SYT9: variants seen among roughly 807,000 people sequenced by gnomAD.
The protein encoded by SYT9 is synaptotagmin-9.
Under a neutral mutation model 48.4 loss-of-function variants are expected in SYT9, and 22 were observed. The ratio of observed to expected loss-of-function variants is 0.45; its 90% confidence interval spans 0.32 to 0.65. The LOEUF (loss-of-function observed/expected upper bound fraction) is 0.65. Among genes scored for constraint, SYT9 ranks in the 30% least tolerant of loss-of-function variants. SYT9 has a pLI of 0.03. For missense variants in SYT9, 577 were observed against 622.0 expected (o/e 0.93, Z 0.77); for synonymous variants, 265 against 245.0 (o/e 1.08, Z -0.76).
At chr11:7,362,424 C>T (rs1297313902) in intron 3 of SYT9, among the ~76,000 whole-genome samples, 16 of 152,104 alleles carry the variant, frequency 1.1e-4, no homozygotes, top group Non-Finnish European at 1.5e-5. Flanking sequence ...CCTGAACCAC[C>T]GTGACCAGCC....
chr11:7,333,750 G>T (rs931058701), intron 3 of SYT9, among the ~76,000 whole-genome samples: 1 of 152,146 alleles, frequency 6.6e-6, no homozygotes, highest in Non-Finnish European at 1.5e-5. Flanking sequence ...TGAGTTCTGG[G>T]TCAGGAAGTT....
At chr11:7,366,944 C>T (rs975281054) in intron 3 of SYT9, among the ~76,000 whole-genome samples, 2 of 151,750 alleles carry the variant, frequency 1.3e-5, no homozygotes, top group African/African-American at 4.8e-5. Flanking sequence ...TAAATATACA[C>T]ATAGTAAACT....
intron 6 of SYT9, among the ~76,000 whole-genome samples, chr11:7,429,354 A>G (rs1021273528): frequency 6.6e-6 from 1 of 152,170 alleles, no homozygotes; most frequent in Non-Finnish European, 1.5e-5. Context: ...TTGGATATAA[A>G]CAAAGCACTA....
chr11:7,314,254 T>C, intron 3 of SYT9: 1 of 481,548 alleles, frequency 2.1e-6, no homozygotes, highest in East Asian at 5.8e-5. Flanking sequence ...TTAGAGCTTT[T>C]TCAGGTTGTT....
At chr11:7,280,049 G>C (rs1324233745) in intron 1 of SYT9, among the ~76,000 whole-genome samples, 2 of 152,246 alleles carry the variant, frequency 1.3e-5, no homozygotes, top group Non-Finnish European at 2.9e-5. Context: ...TGCCTGGATT[G>C]GGGGCAGGGA....
intron 1 of SYT9, among the ~76,000 whole-genome samples, chr11:7,241,694 T>G (rs1009514961): frequency 1.4e-4 from 22 of 152,252 alleles, no homozygotes; most frequent in African/African-American, 5.3e-4. Context: ...GCTTATAGTC[T>G]GTAGTAAATC....
At chr11:7,454,111 T>A in intron 6 of SYT9, 1 of 985,354 alleles carries the variant, frequency 1.0e-6, no homozygotes, top group East Asian at 1.1e-4. Context: ...CCCCAGTCAC[T>A]TTTCTTTCCT....
upstream of SYT9, among the ~76,000 whole-genome samples, chr11:7,249,504 A>AT (rs1046613459): frequency 1.3e-5 from 2 of 152,226 alleles, no homozygotes; most frequent in African/African-American, 4.8e-5. Context: ...CCTTGAACAA[A>AT]TTGTTTAACC....
intron 3 of SYT9, among the ~76,000 whole-genome samples, chr11:7,391,337 A>G (rs1046312143): frequency 1.3e-5 from 2 of 152,152 alleles, no homozygotes; most frequent in Non-Finnish European, 2.9e-5. Flanking sequence ...TGAGATTGCC[A>G]GGTCAGATGG....
chr11:7,302,835 T>C (rs916544825), intron 1 of SYT9, among the ~76,000 whole-genome samples: 1 of 152,222 alleles, frequency 6.6e-6, no homozygotes, highest in African/African-American at 2.4e-5. Context: ...CCTCTGTGTT[T>C]CTGCTCACTG....
rs1255116431 is a variant in SYT9, at chr11:7,466,848, T to C, written c.*48T>C. ...TGCCAAGGACAAAATAGGACAACCATCTCACAAAGATCTTAAGTAACTTTT... is the reference window on the plus strand; with the variant it reads ...TGCCAAGGACAAAATAGGACAACCACCTCACAAAGATCTTAAGTAACTTTT... On this transcript the variant is annotated 3_prime_UTR_variant, in exon 7 of 7. Coordinates refer to ENST00000318881, the MANE Select transcript of SYT9 (RefSeq NM_175733.4). The C allele has an allele frequency of 6.2e-7, 1 of 1,604,676 alleles. No homozygotes were observed. The highest frequency in any genetic ancestry group is 1.1e-5 in the South Asian group (1 of 88,660).
At chr11:7,346,865 A>G (rs2133997115) in intron 3 of SYT9, among the ~76,000 whole-genome samples, 1 of 152,356 alleles carries the variant, frequency 6.6e-6, no homozygotes, top group Admixed American at 6.5e-5. Flanking sequence ...TCTTTCCTGT[A>G]TAATCTCTGT....
At chr11:7,317,036 A>G (rs915390383) in intron 3 of SYT9, among the ~76,000 whole-genome samples, 3 of 152,204 alleles carry the variant, frequency 2.0e-5, no homozygotes, top group African/African-American at 7.2e-5. Context: ...TACAAACATC[A>G]TCTCTCAGTT....
upstream of SYT9, among the ~76,000 whole-genome samples, chr11:7,251,500 C>A (rs566759169): frequency 1.1e-4 from 16 of 152,302 alleles, no homozygotes; most frequent in East Asian, 2.7e-3. Flanking sequence ...GCATCTGACA[C>A]CCATAGGCCC....
At chr11:7,336,602 T>C (rs1434489118) in intron 3 of SYT9, among the ~76,000 whole-genome samples, 1 of 152,208 alleles carries the variant, frequency 6.6e-6, no homozygotes, top group Non-Finnish European at 1.5e-5. Flanking sequence ...AGGCAGTCTT[T>C]TCCCCATTGC....
intron 2 of SYT9, among the ~76,000 whole-genome samples, chr11:7,309,987 T>G (rs1849101623): frequency 6.6e-6 from 1 of 152,234 alleles, no homozygotes; most frequent in Non-Finnish European, 1.5e-5. Context: ...AGCCACTACC[T>G]TACAGTTAGA....
At chr11:7,257,248 C>T (rs536951047) in intron 1 of SYT9, among the ~76,000 whole-genome samples, 3 of 152,302 alleles carry the variant, frequency 2.0e-5, no homozygotes, top group Non-Finnish European at 4.4e-5. Flanking sequence ...GGAACCTTGA[C>T]TGTTACCCTG....
chr11:7,338,195 A>T (rs1368740305), intron 3 of SYT9, among the ~76,000 whole-genome samples: 1 of 152,056 alleles, frequency 6.6e-6, no homozygotes, highest in African/African-American at 2.4e-5. Flanking sequence ...TTTCTGTGGC[A>T]TCTGTGGTTA....
chr11:7,301,417 T>A (rs1338938903), intron 1 of SYT9, among the ~76,000 whole-genome samples: 1 of 152,198 alleles, frequency 6.6e-6, no homozygotes, highest in Non-Finnish European at 1.5e-5. Flanking sequence ...GGGTGGTAGT[T>A]GTTCAGCTTG....
Sources: allele counts gnomAD v4.1 joint callset (sites outside exome capture counted in the v4.1 genomes callset), GRCh38; gene constraint gnomAD v4.1.1; transcripts MANE v1.5; gene names NCBI Gene and HGNC (gene_info 2026-07-23, HGNC 2026-07-21).